Variants in ZNF670 observed in about 807,000 individuals in gnomAD.
ZNF670 encodes zinc finger protein 670.
Under a neutral mutation model 10.9 loss-of-function variants are expected in ZNF670, and 7 were observed. That is an observed-to-expected ratio of 0.64 (90% CI 0.36 to 1.20). The LOEUF (loss-of-function observed/expected upper bound fraction) is 1.20, where lower values mean the gene tolerates loss of function less well. Among genes scored for constraint, ZNF670 ranks in the 50% most tolerant of loss-of-function variants. The pLI, the probability that ZNF670 is intolerant of heterozygous loss-of-function variation, is 0.02. For missense variants in ZNF670, 446 were observed against 458.6 expected, an observed-to-expected ratio of 0.97 and a Z score of 0.25; for synonymous variants, 136 against 152.7, an observed-to-expected ratio of 0.89 and a Z score of 0.81.
In ZNF670 at chr1:247,067,890, A is replaced by G. The variant is rs1404026999; in HGVS notation, c.3+10704T>C. Among the ~76,000 whole-genome samples the G allele has an allele frequency of 2.0e-5, 3 of 150,312 alleles. 1 individual carries two copies. The highest frequency in any genetic ancestry group is 7.5e-5 in the African/African-American group (3 of 39,958). On this transcript the variant is annotated intron_variant, in intron 1 of 3. Transcript: ENST00000366503. ...AAGCTCCAGCACAGCAAAGGATACAATCAACAAAGTGAAGAGACAACCCAC... is the reference window on the plus strand; with the variant it reads ...AAGCTCCAGCACAGCAAAGGATACAGTCAACAAAGTGAAGAGACAACCCAC...
At chr1:247,059,359 T>C (rs1225749874) in intron 1 of ZNF670, among the ~76,000 whole-genome samples, 1 of 151,844 alleles carries the variant, frequency 6.6e-6, no homozygotes, top group African/African-American at 2.4e-5. Flanking sequence ...GGCAGGAGAA[T>C]GGCGTGAACC....
intron 1 of ZNF670, among the ~76,000 whole-genome samples, chr1:247,046,555 G>A (rs2103056280): frequency 6.6e-6 from 1 of 152,288 alleles, no homozygotes; most frequent in South Asian, 2.1e-4. Context: ...AGGAAGCTTG[G>A]TAGCTTCCAC....
chr1:247,065,863 C>A (rs1486541699), intron 1 of ZNF670, among the ~76,000 whole-genome samples: 1 of 152,178 alleles, frequency 6.6e-6, no homozygotes, highest in Non-Finnish European at 1.5e-5. Flanking sequence ...CATTTTCTAG[C>A]AAATGTGAAT....
chr1:247,059,510 AT>A lies in ZNF670; in HGVS notation c.3+19083del, dbSNP rs202103102. Among the ~76,000 whole-genome samples the A allele has an allele frequency of 3.8e-3, 575 of 152,164 alleles. 1 individual carries two copies. The highest frequency in any genetic ancestry group is 0.02 in the Middle Eastern group (6 of 294). On this transcript the variant is annotated intron_variant, in intron 1 of 3. Coordinates refer to ENST00000366503, the MANE Select transcript of ZNF670 (RefSeq NM_033213.5). Reference sequence around the variant, plus strand: ...ACAAAAATAAAAAATAAAATAAAAAATATACACCCACCCAAATAGGAATTAT... The same window carrying A: ...ACAAAAATAAAAAATAAAATAAAAAAATACACCCACCCAAATAGGAATTAT...
At chr1:247,039,561 G>A (rs774929540) in intron 1 of ZNF670, 24 bp from the exon 2 acceptor site, 4 of 1,545,290 alleles carry the variant, frequency 2.6e-6, no homozygotes, top group Non-Finnish European at 3.5e-6. Context: ...CATATGTGGA[G>A]AGGAGGATGG....
At chr1:247,050,758 G>T (rs542386700) in intron 1 of ZNF670, among the ~76,000 whole-genome samples, 1 of 152,154 alleles carries the variant, frequency 6.6e-6, no homozygotes, top group East Asian at 1.9e-4. Context: ...ACAGGCATGA[G>T]CCACCGTGCC....
chr1:247,078,475 A>C, intron 1 of ZNF670, 119 bp downstream of exon 1: 1 of 1,333,548 alleles, frequency 7.5e-7, no homozygotes, highest in Non-Finnish European at 1.0e-6. Context: ...CTGTGCCACT[A>C]AGGCCGCGAG....
Position 247,050,791 on chromosome 1 carries a change from C to G in ZNF670, c.4-11254G>C, listed in dbSNP as rs533505316. 6.6e-5 allele frequency among the ~76,000 whole-genome samples: 10 copies of G among 152,082 alleles called. No homozygotes were observed. In the East Asian group the frequency reaches 1.9e-3, roughly 30 times the overall value. ...GCCCAGTGGTGAATTCTTATCCATT[C>G]TGCCATTTTGTATCTTTTAAGTGGG... is the stretch of plus-strand genomic sequence containing the variant. On this transcript the variant is annotated intron_variant, in intron 1 of 3. Transcript: ENST00000366503.
rs763561269 is a variant in ZNF670 at position 247,078,641 on chromosome 1, G to A, written c.-45C>T. Reference sequence around the variant, plus strand: ...GGGGTCCTCCCTAAGGACCTTCCGGGACCTGCAGGTCCCAGAGCAACAGAA... The same window carrying A: ...GGGGTCCTCCCTAAGGACCTTCCGGAACCTGCAGGTCCCAGAGCAACAGAA... On this transcript the variant is annotated 5_prime_UTR_variant, in exon 1 of 4. Transcript: ENST00000366503. 7 of 1,611,026 alleles carry A rather than the reference G, an allele frequency of 4.3e-6. No homozygotes were observed. The highest frequency in any genetic ancestry group is 4.2e-6 in the Non-Finnish European group (5 of 1,178,266).
chr1:247,053,735 T>G (rs756376727), intron 1 of ZNF670, among the ~76,000 whole-genome samples: 3 of 151,810 alleles, frequency 2.0e-5, no homozygotes, highest in Non-Finnish European at 4.4e-5. Context: ...CGCTGAAAAA[T>G]TTAAAAACAA....
chr1:247,052,457 G>A (rs1221712023), intron 1 of ZNF670, among the ~76,000 whole-genome samples: 1 of 152,206 alleles, frequency 6.6e-6, no homozygotes, highest in Non-Finnish European at 1.5e-5. Context: ...AGGTCTCTTG[G>A]CCTGGATACC....
intron 1 of ZNF670, among the ~76,000 whole-genome samples, chr1:247,046,144 AG>A (rs1311539378): frequency 6.6e-6 from 1 of 152,212 alleles, no homozygotes; most frequent in Admixed American, 6.5e-5. Flanking sequence ...AGAGCATAAA[AG>A]TTTGGAAAAT....
chr1:247,077,446 A>C (rs1671279899), intron 1 of ZNF670, among the ~76,000 whole-genome samples: 1 of 152,178 alleles, frequency 6.6e-6, no homozygotes, highest in Non-Finnish European at 1.5e-5. Flanking sequence ...CACCCCAAAG[A>C]TACTCTGGTA....
chr1:247,043,301 TAAATCAGTTAGA>T, intron 1 of ZNF670: 1 of 619,018 alleles, frequency 1.6e-6, no homozygotes. Flanking sequence ...TGGTCTGTGA[TAAATCAGTTAGA>T]AAACTGTCTT....
At chr1:247,042,584 A>G (rs191962614) in intron 1 of ZNF670, among the ~76,000 whole-genome samples, 8 of 152,342 alleles carry the variant, frequency 5.3e-5, no homozygotes, top group African/African-American at 1.7e-4. Context: ...CATGGTTTCA[A>G]TCTGCTGCCA....
intron 1 of ZNF670, among the ~76,000 whole-genome samples, chr1:247,051,814 G>C (rs1277377737): frequency 1.4e-5 from 2 of 147,404 alleles, no homozygotes; most frequent in Admixed American, 1.4e-4. Context: ...GTTGCATCGG[G>C]TTAATTTGAA....
At position 247,037,596 on chromosome 1, in the gene ZNF670, T is replaced by C; in HGVS notation, c.1023A>G (p.Glu341=). Residue 341 remains glutamate (E), a synonymous_variant, in exon 4 of 4, where the codon GAA becomes GAG. Coordinates refer to ENST00000366503, the MANE Select transcript of ZNF670 (RefSeq NM_033213.5). ...TGGAAGAAGTAAACGACTTACCACA[T>C]TCCTTACATCCATAAGGTTTCACTC... is the stretch of plus-strand genomic sequence containing the variant. The part of the protein sequence containing the change: ...HTGVKPYGCK[E]CGKSFTSSSA... 1 of 1,614,156 alleles carries C rather than the reference T, an allele frequency of 6.2e-7. No homozygotes were observed. Among genetic ancestry groups the C allele is most frequent in the Middle Eastern group, 1.6e-4 (1 of 6,062 alleles).
intron 1 of ZNF670, among the ~76,000 whole-genome samples, chr1:247,071,957 A>G (rs1378848269): frequency 1.3e-5 from 2 of 150,150 alleles, no homozygotes; most frequent in African/African-American, 4.9e-5. Flanking sequence ...TCCCAGGTTC[A>G]TGCCATTCTC....
intron 3 of ZNF670, 122 bp downstream of exon 3, chr1:247,038,688 G>T: frequency 1.2e-6 from 1 of 847,474 alleles, no homozygotes; most frequent in Non-Finnish European, 1.8e-6. Context: ...TGTATTTTTT[G>T]CTAAGACTTT....
Sources: gnomAD v4.1 joint callset for allele counts (sites outside exome capture counted in the v4.1 genomes callset) on GRCh38, gnomAD v4.1.1 for gene constraint, MANE v1.5 for transcripts, NCBI Gene and HGNC (gene_info 2026-07-23, HGNC 2026-07-21) for gene names.